CRTC2: variants seen among roughly 807,000 people sequenced by gnomAD.
CRTC2 encodes the protein CREB-regulated transcription coactivator 2.
Under a neutral mutation model 70.9 loss-of-function variants are expected in CRTC2, and 25 were observed. The observed-to-expected ratio is 0.35, with a 90% CI of 0.26 to 0.49. The LOEUF is 0.49. Among genes scored for constraint, CRTC2 ranks in the 20% least tolerant of loss-of-function variants. The pLI is 0.98. For missense variants in CRTC2, 737 were observed against 882.6 expected (o/e 0.83, Z 2.09); for synonymous variants, 330 against 364.1 (o/e 0.91, Z 1.07).
At chr1:153,957,786 C>T (rs1557873034) in intron 1 of CRTC2, among the ~76,000 whole-genome samples, 1 of 152,174 alleles carries the variant, frequency 6.6e-6, no homozygotes, top group Non-Finnish European at 1.5e-5. Context: ...CAGGAAACCA[C>T]AAGAAGTATT....
intron 1 of CRTC2, 102 bp downstream of exon 1, chr1:153,958,242 CT>C (rs1299222343): frequency 6.7e-7 from 1 of 1,500,824 alleles, no homozygotes; most frequent in Non-Finnish European, 8.9e-7. Flanking sequence ...GTCCCCTGCT[CT>C]GTTCCGCCTC....
Position 153,952,831 on chromosome 1 carries a change from A to G in CRTC2, c.611T>C (p.Ile204Thr). The G allele has an allele frequency of 6.2e-7, 1 of 1,614,218 alleles. No homozygotes were observed. Among genetic ancestry groups the G allele is most frequent in the Non-Finnish European group, 8.5e-7 (1 of 1,180,028 alleles). The change falls in exon 7 of 14, where the codon ATT becomes ACT. Residue 204 changes from isoleucine (I) to threonine (T), a missense_variant. Transcript: ENST00000368633. ...PSILPSRRGG[I>T]LDGEMDPKVP... ...TTTGGGGTCCATTTCACCATCCAGA[A>G]TACCTGCAAGGGATACAGTGGCATT... is the stretch of plus-strand genomic sequence containing the variant.
chr1:153,948,162 G>A lies in CRTC2; in HGVS notation c.2029C>T (p.Leu677=), dbSNP rs1428805015. 6.8e-6 allele frequency: 11 copies of A among 1,614,116 alleles called. No homozygotes were observed. The highest frequency in any genetic ancestry group is 9.3e-6 in the Non-Finnish European group (11 of 1,180,044). ...GLNMLSDPCA[L]LPDPAVEESF... Reference sequence around the variant, plus strand: ...TCCTCCACAGCAGGATCAGGCAGCAGGGCACAGGGGTCACTCAGCATGTTT... The same window carrying A: ...TCCTCCACAGCAGGATCAGGCAGCAAGGCACAGGGGTCACTCAGCATGTTT... The change falls in exon 14 of 14, where the codon CTG becomes TTG. Residue 677 remains leucine (L), a synonymous_variant. Coordinates refer to ENST00000368633, the MANE Select transcript of CRTC2 (RefSeq NM_181715.3).
rs1212663533 is a variant in CRTC2, at chr1:153,949,254, G to C, written c.1535C>G (p.Ser512Cys). 3.7e-6 allele frequency: 6 copies of C among 1,614,046 alleles called. No individual in the cohort carries two copies. Among genetic ancestry groups the C allele is most frequent in the African/African-American group, 2.7e-5 (2 of 74,916 alleles). Residue 512 changes from serine (S) to cysteine (C), a missense_variant, in exon 12 of 14, where the codon TCT becomes TGT. Ser to Cys is a moderately radical substitution (Grantham distance 112). Around this residue, in one of 3 missense-constraint regions of CRTC2, gnomAD observed 699 missense variants for 823.7 expected, o/e 0.85. Coordinates refer to ENST00000368633, the MANE Select transcript of CRTC2 (RefSeq NM_181715.3). ...TGAGGACTGCACTGAACAAGACTGA[G>C]AGGGCAGCCCTGGCTGCTGTAGAGA... ...PKSLQQPGLP[S>C]QSCSVQSSGG...
chr1:153,948,026 G>A lies in CRTC2; in HGVS notation c.*83C>T. Reference sequence around the variant, plus strand: ...AAAGAGGATCTGGGGACAGAGAGTAGAGTCTCTACCTGCCAGGGGGAAGGG... The same window carrying A: ...AAAGAGGATCTGGGGACAGAGAGTAAAGTCTCTACCTGCCAGGGGGAAGGG... On this transcript the variant is annotated 3_prime_UTR_variant, in exon 14 of 14. Transcript: ENST00000368633. 7.8e-7 allele frequency: 1 copy of A among 1,286,458 alleles called. No homozygotes were observed. Among genetic ancestry groups the A allele is most frequent in the Admixed American group, 1.9e-5 (1 of 53,356 alleles). The allele number at this position is 1,286,458 out of a possible 1,614,324, so 79.7% of individuals were successfully genotyped here.
chr1:153,949,051 T>C (rs1288819731), intron 12 of CRTC2, 64 bp downstream of exon 12: 1 of 1,551,304 alleles, frequency 6.4e-7, no homozygotes. Flanking sequence ...GCCATGCCAT[T>C]CAGGCCCCAT....
intron 1 of CRTC2, chr1:153,957,975 C>G (rs1680721207): frequency 9.7e-7 from 1 of 1,026,206 alleles, no homozygotes; most frequent in Non-Finnish European, 1.2e-6. Context: ...ACAAGCAGCC[C>G]TCCTCCCAGG....
chr1:153,952,053 C>T lies in CRTC2; in HGVS notation c.962G>A (p.Arg321Lys), dbSNP rs1421942958. The change falls in exon 10 of 14, where the codon AGG (arginine) becomes AAG (lysine). Residue 321 changes from arginine to lysine, a missense_variant. Arg to Lys is a conservative substitution (Grantham distance 26). This residue lies in a region of CRTC2 where 699 missense variants were observed against 823.7 expected (regional missense o/e 0.85). Coordinates refer to ENST00000368633, the MANE Select transcript of CRTC2 (RefSeq NM_181715.3). ...ATAGCCTGGGCCCAGGCCCATGCCC[C>T]TGCTGATGCCCAGGTGAGTCATGGT... ...THTMTHLGIS[R>K]GMGLGPGYDA... The T allele has an allele frequency of 1.2e-6, 2 of 1,613,922 alleles. No individual in the cohort carries two copies. Among genetic ancestry groups the T allele is most frequent in the Non-Finnish European group, 1.7e-6 (2 of 1,179,950 alleles).
upstream of CRTC2, chr1:153,958,612 C>CGG (rs1023189594): frequency 6.6e-5 from 73 of 1,112,904 alleles, no homozygotes; most frequent in African/African-American, 1.0e-3. Context: ...ACCGCGAACC[C>CGG]GGCCCCAGCC....
At chr1:153,952,543 T>C (rs1680388104) in intron 8 of CRTC2, 28 bp downstream of exon 8, 4 of 1,613,184 alleles carry the variant, frequency 2.5e-6, no homozygotes, top group Admixed American at 3.3e-5. Context: ...GAGAGACTAG[T>C]GGGTGACACC....
rs1680147730 is a variant in CRTC2, at chr1:153,948,558, A to G, written c.1761T>C (p.Gly587=). Residue 587 remains glycine, a synonymous_variant, in exon 13 of 14, where the codon GGT becomes GGC. Transcript: ENST00000368633. Reference sequence around the variant, plus strand: ...CCTGGGGGCCACCCATTGGCCCCTCACCCCCTAAAAATCCAGGCCCTTCAG... The same window carrying G: ...CCTGGGGGCCACCCATTGGCCCCTCGCCCCCTAAAAATCCAGGCCCTTCAG... The part of the protein sequence containing the change: ...GFSEGPGFLG[G]EGPMGGPQDP... The G allele has an allele frequency of 6.2e-7, 1 of 1,610,982 alleles. No homozygotes were observed. The highest frequency in any genetic ancestry group is 1.7e-5 in the Admixed American group (1 of 59,172).
chr1:153,952,253 T>C lies in CRTC2; in HGVS notation c.762A>G (p.Pro254=), dbSNP rs775937098. The C allele has an allele frequency of 5.0e-6, 8 of 1,606,418 alleles. No homozygotes were observed. The African/African-American group carries it at 6.7e-5, about 13-fold the overall frequency. ...SCEVPGINIF[P]SPDQPANVPV... is the part of the protein sequence containing the mutation. ...GCACATTGGCAGGCTGGTCAGGAGA[T>C]GGAAAGATGCTAGGGGAAGGAGAGA... The change falls in exon 10 of 14, where the codon CCA becomes CCG. Residue 254 remains proline (P), a synonymous_variant. Transcript: ENST00000368633.
rs370270136 is a variant in CRTC2, at chr1:153,952,392, C to T, written c.752+5G>A. 2.5e-6 allele frequency: 4 copies of T among 1,614,000 alleles called. No individual in the cohort carries two copies. The highest frequency in any genetic ancestry group is 1.1e-5 in the South Asian group (1 of 91,096). ...ACCTCTCAGCCAACCTCAGGGAGTA[C>T]TTACTTAATTCCAGGGACTTCACAG... On this transcript the variant is annotated splice_donor_5th_base_variant and intron_variant, in intron 9 of 13. Coordinates refer to ENST00000368633, the MANE Select transcript of CRTC2 (RefSeq NM_181715.3).
Position 153,952,023 on chromosome 1 carries a change from G to A in CRTC2, c.992C>T (p.Ala331Val). 1 of 1,612,986 alleles carries A rather than the reference G, an allele frequency of 6.2e-7. No individual in the cohort carries two copies. The highest frequency in any genetic ancestry group is 8.5e-7 in the Non-Finnish European group (1 of 1,179,688). ...TGGCCAGGACAGTCACTCACCTGGT[G>A]CATCATAGCCTGGGCCCAGGCCCAT... ...RGMGLGPGYD[A>V]PGLHSPLSHP... The change falls in exon 10 of 14, where the codon GCA becomes GTA. Residue 331 changes from alanine to valine, a missense_variant. By Grantham distance (64) the Ala-to-Val change is moderately conservative (BLOSUM62 0). This residue lies in a region of CRTC2 where 699 missense variants were observed against 823.7 expected (regional missense o/e 0.85). Transcript: ENST00000368633.
chr1:153,952,786 A>G lies in CRTC2; in HGVS notation c.637+19T>C. The G allele has an allele frequency of 6.2e-7, 1 of 1,614,208 alleles. No homozygotes were observed. Among genetic ancestry groups the G allele is most frequent in the Non-Finnish European group, 8.5e-7 (1 of 1,179,974 alleles). Reference sequence around the variant, plus strand: ...AAATTCTTTGGCATTCAGTACCCACAGCAGTGAGGAACACATACCTTTGGG... The same window carrying G: ...AAATTCTTTGGCATTCAGTACCCACGGCAGTGAGGAACACATACCTTTGGG... On this transcript the variant is annotated intron_variant, in intron 7 of 13. Coordinates refer to ENST00000368633, the MANE Select transcript of CRTC2 (RefSeq NM_181715.3).
intron 10 of CRTC2, 156 bp from the exon 11 acceptor site, chr1:153,951,822 C>T: frequency 1.9e-6 from 2 of 1,052,622 alleles, no homozygotes; most frequent in Middle Eastern, 3.1e-4. Flanking sequence ...TGGGGACTGC[C>T]CTTCCTCTTC....
At chr1:153,957,908 A>G (rs965941422) in intron 1 of CRTC2, among the ~76,000 whole-genome samples, 1 of 152,190 alleles carries the variant, frequency 6.6e-6, no homozygotes, top group Non-Finnish European at 1.5e-5. Flanking sequence ...ACCAAAGCGC[A>G]GAAGGCAGAG....
intron 5 of CRTC2, 62 bp from the exon 6 acceptor site, chr1:153,953,431 C>T: frequency 6.6e-7 from 1 of 1,524,808 alleles, no homozygotes; most frequent in Non-Finnish European, 9.0e-7. Flanking sequence ...TAAGCCCTGC[C>T]CAGCAAGGGA....
chr1:153,958,210 C>T, intron 1 of CRTC2, 135 bp downstream of exon 1: 1 of 1,437,450 alleles, frequency 7.0e-7, no homozygotes, highest in Non-Finnish European at 9.1e-7. Context: ...TCAACCTGCG[C>T]CTCCCAAACG....
Sources: allele counts gnomAD v4.1 joint callset (sites outside exome capture counted in the v4.1 genomes callset), GRCh38; gene constraint gnomAD v4.1.1; regional missense constraint gnomAD v4.1.1; transcripts MANE v1.5; gene names NCBI Gene and HGNC (gene_info 2026-07-23, HGNC 2026-07-21).